The following PCCB variants were observed in gnomAD, a reference collection of about 807,000 sequenced individuals.
The protein encoded by PCCB is propionyl-CoA carboxylase beta chain, mitochondrial.
In PCCB, 43 loss-of-function variants were observed where a neutral mutation model predicts 60.7. The observed-to-expected ratio is 0.71, with a 90% CI of 0.55 to 0.91. The LOEUF is 0.91. Ranked by LOEUF, PCCB falls within the 40% of genes least tolerant of loss-of-function variation. PCCB has a pLI of 0.00. For synonymous variants in PCCB, 276 were observed against 255.9 expected, an observed-to-expected ratio of 1.08 and a Z score of -0.75; for missense variants, 766 against 702.8, an observed-to-expected ratio of 1.09 and a Z score of -1.02.
intron 5 of PCCB, among the ~76,000 whole-genome samples, chr3:136,270,791 C>A (rs1942177949): frequency 6.6e-6 from 1 of 152,180 alleles, no homozygotes; most frequent in African/African-American, 2.4e-5. Context: ...CAGGCATGAG[C>A]CCCTGCGCCC....
At position 136,306,395 on chromosome 3, in the gene PCCB, A is replaced by G. The variant is rs1168621883; in HGVS notation, c.966+5284A>G. ...CAGGGGAGACAAAATTGCATCAGAAATGATATCAAAATTGCAAGGTGCTCA... is the reference window on the plus strand; with the variant it reads ...CAGGGGAGACAAAATTGCATCAGAAGTGATATCAAAATTGCAAGGTGCTCA... On this transcript the variant is annotated intron_variant, in intron 9 of 14. Transcript: ENST00000251654. 1.5e-4 allele frequency among the ~76,000 whole-genome samples: 18 copies of G among 122,652 alleles called. 2 individuals carry two copies. Among genetic ancestry groups the G allele is most frequent in the African/African-American group, 3.5e-4 (14 of 40,166 alleles). The allele number at this position is 122,652 out of a possible 152,430, so 80.5% of individuals were successfully genotyped here.
In PCCB at chr3:136,298,060, G is replaced by A. The variant is rs77820367; in HGVS notation, c.872G>A (p.Cys291Tyr). 1.8e-3 allele frequency: 2,893 copies of A among 1,614,132 alleles called. 5 individuals carry two copies. The highest frequency in any genetic ancestry group is 2.0e-3 in the Non-Finnish European group (2,409 of 1,179,994). Residue 291 changes from cysteine to tyrosine, a missense_variant, in exon 8 of 15, where the codon TGC (cysteine) becomes TAC (tyrosine). By Grantham distance (194) the Cys-to-Tyr change is radical. Coordinates refer to ENST00000251654, the MANE Select transcript of PCCB (RefSeq NM_000532.5). ...SSQDPAPVRE[C>Y]HDPSDRLVPE... ...CAGGACCCGGCTCCCGTCCGTGAGT[G>A]CCACGATCCCAGGTGGGTTGTAGGC...
intron 5 of PCCB, among the ~76,000 whole-genome samples, chr3:136,265,990 T>C (rs535824043): frequency 1.3e-5 from 2 of 152,076 alleles, no homozygotes; most frequent in East Asian, 3.9e-4. Context: ...CACGCCCGGC[T>C]AATTTTTTGT....
At chr3:136,259,519 CTGTT>C (rs1400976090) in intron 3 of PCCB, among the ~76,000 whole-genome samples, 2 of 152,106 alleles carry the variant, frequency 1.3e-5, no homozygotes. Flanking sequence ...AAGTGCTTGA[CTGTT>C]TGATATCCAT....
intron 8 of PCCB, among the ~76,000 whole-genome samples, chr3:136,299,560 G>A (rs1372119048): frequency 6.0e-5 from 7 of 117,320 alleles, no homozygotes; most frequent in Non-Finnish European, 8.9e-5. Context: ...GCATGTGTAT[G>A]TATGTATATG....
At chr3:136,260,169 G>T in intron 3 of PCCB, 1 of 433,382 alleles carries the variant, frequency 2.3e-6, no homozygotes, top group East Asian at 5.0e-5. Flanking sequence ...TGTCTCCAGG[G>T]CTCAAGCAAT....
intron 6 of PCCB, among the ~76,000 whole-genome samples, chr3:136,287,102 TCCTTTCTAA>T (rs1933451443): frequency 6.6e-6 from 1 of 151,956 alleles, no homozygotes; most frequent in African/African-American, 2.4e-5. Flanking sequence ...GTCATCATGA[TCCTTTCTAA>T]GGATCATTGT....
intron 8 of PCCB, among the ~76,000 whole-genome samples, chr3:136,300,122 GTATA>G (rs1163606033): frequency 1.3e-5 from 2 of 151,582 alleles, no homozygotes; most frequent in African/African-American, 4.9e-5. Context: ...ATCTACACGT[GTATA>G]TATGTATATC....
intron 6 of PCCB, among the ~76,000 whole-genome samples, chr3:136,284,691 A>G (rs1032297120): frequency 2.6e-5 from 4 of 152,202 alleles, no homozygotes; most frequent in African/African-American, 4.8e-5. Flanking sequence ...TAGGAATTCA[A>G]AAGTTTCACA....
At chr3:136,290,671 G>GTTTTTTTGTTTTTTTTTTTT (rs1553778408) in intron 6 of PCCB, among the ~76,000 whole-genome samples, 1 of 60,050 alleles carries the variant, frequency 1.7e-5, no homozygotes, top group Non-Finnish European at 2.7e-5. Context: ...TCTCTGTGTA[G>GTTTTTTTGTTTTTTTTTTTT]TTTTTTTTTT....
chr3:136,307,843 C>T (rs1934502233), intron 9 of PCCB, among the ~76,000 whole-genome samples: 1 of 151,948 alleles, frequency 6.6e-6, no homozygotes, highest in African/African-American at 2.4e-5. Flanking sequence ...GGTGTGGTGG[C>T]ACATGCCTGT....
Position 136,256,627 on chromosome 3 carries a change from T to C in PCCB, c.372+4T>C, listed in dbSNP as rs755664332. The C allele has an allele frequency of 4.4e-6, 7 of 1,596,318 alleles. No homozygotes were observed. In the African/African-American group the frequency reaches 9.4e-5, roughly 21 times the overall value. Reference sequence around the variant, plus strand: ...ATTGGTTTATGTCTTCAGTCAGGTATTTCATAACTCCAATAGTCTGAACTT... The same window carrying C: ...ATTGGTTTATGTCTTCAGTCAGGTACTTCATAACTCCAATAGTCTGAACTT... On this transcript the variant is annotated splice_donor_region_variant and intron_variant, in intron 3 of 14. Coordinates refer to ENST00000251654, the MANE Select transcript of PCCB (RefSeq NM_000532.5).
intron 1 of PCCB, among the ~76,000 whole-genome samples, chr3:136,254,102 A>G (rs1237595974): frequency 1.3e-5 from 2 of 152,124 alleles, no homozygotes; most frequent in Non-Finnish European, 2.9e-5. Context: ...TAAGGGGGAA[A>G]TAATAGCCAA....
intron 5 of PCCB, among the ~76,000 whole-genome samples, chr3:136,266,211 C>G (rs892492037): frequency 6.6e-6 from 1 of 151,758 alleles, no homozygotes; most frequent in Admixed American, 6.6e-5. Context: ...TCACTGTAAC[C>G]TCTGCCTCCC....
intron 10 of PCCB, among the ~76,000 whole-genome samples, chr3:136,319,377 T>A (rs1271837334): frequency 1.3e-5 from 2 of 151,332 alleles, no homozygotes; most frequent in Admixed American, 6.6e-5. Flanking sequence ...TCATGTCTTT[T>A]GATACACAAT....
intron 5 of PCCB, among the ~76,000 whole-genome samples, chr3:136,282,920 T>A (rs1364495712): frequency 6.6e-6 from 1 of 152,194 alleles, no homozygotes; most frequent in Non-Finnish European, 1.5e-5. Flanking sequence ...TACATTTGGC[T>A]CATTTTTAGA....
rs1368598577 is a variant in PCCB at position 136,290,267 on chromosome 3, C to T, written c.655-3489C>T. Among the ~76,000 whole-genome samples, 3 of 152,114 alleles carry T rather than the reference C, an allele frequency of 2.0e-5. No homozygotes were observed. In the East Asian group the frequency reaches 5.8e-4, roughly 29 times the overall value. On this transcript the variant is annotated intron_variant, in intron 6 of 14. Coordinates refer to ENST00000251654, the MANE Select transcript of PCCB (RefSeq NM_000532.5). ...TTTGAGAAGGTCTGTATTTTTCCTTCACTTTTGAAGAATAATTTTGCAGAG... is the reference window on the plus strand; with the variant it reads ...TTTGAGAAGGTCTGTATTTTTCCTTTACTTTTGAAGAATAATTTTGCAGAG...
At chr3:136,257,936 C>CA (rs1158554055) in intron 3 of PCCB, among the ~76,000 whole-genome samples, 14 of 151,810 alleles carry the variant, frequency 9.2e-5, no homozygotes, top group Admixed American at 5.9e-4. Context: ...CCATCTCAAA[C>CA]AAAAAAATAA....
intron 5 of PCCB, among the ~76,000 whole-genome samples, chr3:136,263,373 A>G (rs1030697763): frequency 1.3e-5 from 2 of 151,110 alleles, no homozygotes; most frequent in African/African-American, 4.9e-5. Context: ...TCAAGCGATC[A>G]TCCCACCTCA....
Sources: gnomAD v4.1 joint callset for allele counts (sites outside exome capture counted in the v4.1 genomes callset) on GRCh38, gnomAD v4.1.1 for gene constraint, MANE v1.5 for transcripts, NCBI Gene and HGNC (gene_info 2026-07-23, HGNC 2026-07-21) for gene names.